Variants in ACOT1 observed in about 807,000 individuals in gnomAD.
ACOT1 encodes acyl-coenzyme A thioesterase 1.
A neutral mutation model predicts 15.7 loss-of-function variants in ACOT1; 8 were observed. The ratio of observed to expected loss-of-function variants is 0.51; its 90% CI spans 0.30 to 0.92. The LOEUF (loss-of-function observed/expected upper bound fraction) is 0.92. Ranked by LOEUF, ACOT1 falls within the 40% of genes least tolerant of loss-of-function variation. ACOT1 has a pLI of 0.06. For synonymous variants in ACOT1, 67 were observed against 241.2 expected, an observed-to-expected ratio of 0.28 and a Z score of 6.69; for missense variants, 151 against 539.4, an observed-to-expected ratio of 0.28 and a Z score of 7.13.
At chr14:73,502,921 G>A in the ACOT1 span, 19 of 1,613,558 alleles carry the variant, frequency 1.2e-5, no homozygotes, top group South Asian at 3.3e-5. Flanking sequence ...CCTCTTTCCC[G>A]AGGCTCATTT....
intron 1 of ACOT1, 149 bp from the exon 2 acceptor site, chr14:73,541,344 G>C (rs540209126): frequency 2.8e-6 from 2 of 710,628 alleles, no homozygotes; most frequent in African/African-American, 3.9e-5. Context: ...GTTTCTGGAC[G>C]AACACAGGTT....
intron 1 of ACOT1, 124 bp from the exon 2 acceptor site, chr14:73,541,369 G>GTAGA: frequency 1.2e-6 from 1 of 820,078 alleles, no homozygotes; most frequent in Non-Finnish European, 1.8e-6. Flanking sequence ...TTTCTCGTGG[G>GTAGA]TAGATACCTA....
the ACOT1 span, chr14:73,522,643 C>T: frequency 3.1e-6 from 5 of 1,614,204 alleles, no homozygotes; most frequent in Admixed American, 6.7e-5. Context: ...TATCTGGATG[C>T]ATGCAGGGAT....
chr14:73,508,346 A>G, the ACOT1 span: 1 of 1,565,076 alleles, frequency 6.4e-7, no homozygotes, highest in Non-Finnish European at 8.8e-7. Flanking sequence ...TTTTCCCCCT[A>G]GAGAACAGCC....
chr14:73,537,927 G>A, intron 1 of ACOT1, 49 bp downstream of exon 1: 1 of 1,136,704 alleles, frequency 8.8e-7, no homozygotes, highest in Non-Finnish European at 1.1e-6. Context: ...CTGTTCCTGC[G>A]CTTTCCACTG....
At chr14:73,507,054 C>T in the ACOT1 span, among the ~76,000 whole-genome samples, 2 of 152,046 alleles carry the variant, frequency 1.3e-5, no homozygotes, top group Non-Finnish European at 2.9e-5. Flanking sequence ...CTGCCTGCCT[C>T]GGCCTCCCAA....
At chr14:73,505,688 C>T in the ACOT1 span, among the ~76,000 whole-genome samples, 1 of 151,794 alleles carries the variant, frequency 6.6e-6, no homozygotes, top group African/African-American at 2.4e-5. Flanking sequence ...CCACCGTGCC[C>T]GGCCGGGACT....
chr14:73,505,902 T>A, the ACOT1 span, among the ~76,000 whole-genome samples: 1 of 148,780 alleles, frequency 6.7e-6, no homozygotes, highest in Non-Finnish European at 1.5e-5. Flanking sequence ...TTTTTTTTTT[T>A]TTTTTTGAGA....
the ACOT1 span, chr14:73,491,608 C>G: frequency 6.5e-7 from 1 of 1,547,104 alleles, no homozygotes; most frequent in Non-Finnish European, 8.7e-7. Context: ...GCATCCCCAG[C>G]AGCCGGCGGC....
At chr14:73,504,076 CTT>C in the ACOT1 span, among the ~76,000 whole-genome samples, 85 of 127,714 alleles carry the variant, frequency 6.7e-4, no homozygotes, top group Admixed American at 7.4e-4. Context: ...TTTTGCATTT[CTT>C]TTTTTTTTTT....
the ACOT1 span, among the ~76,000 whole-genome samples, chr14:73,509,866 A>ATTTATTTATT: frequency 2.5e-4 from 17 of 67,512 alleles, 2 homozygotes; most frequent in African/African-American, 1.0e-3. Flanking sequence ...ATATATATAT[A>ATTTATTTATT]TATTTATTTA....
At chr14:73,505,107 G>A in the ACOT1 span, among the ~76,000 whole-genome samples, 1 of 151,834 alleles carries the variant, frequency 6.6e-6, no homozygotes, top group Non-Finnish European at 1.5e-5. Context: ...ATTAGAGATG[G>A]GGTTTTGCCA....
the ACOT1 span, chr14:73,522,538 A>G: frequency 5.0e-6 from 8 of 1,614,166 alleles, no homozygotes; most frequent in Non-Finnish European, 6.8e-6. Context: ...TTTCCAGCAC[A>G]GTGGCCTCCC....
At chr14:73,517,387 G>T in the ACOT1 span, 5 of 152,210 alleles carry the variant, frequency 3.3e-5, no homozygotes, top group East Asian at 9.7e-4. Context: ...TATTGAAAAA[G>T]AATCCTCTGG....
chr14:73,513,304 C>CA, the ACOT1 span, among the ~76,000 whole-genome samples: 3 of 151,894 alleles, frequency 2.0e-5, no homozygotes, highest in African/African-American at 7.3e-5. Flanking sequence ...ACTAAAAACA[C>CA]AAAAATTAGC....
chr14:73,509,113 C>T, the ACOT1 span, among the ~76,000 whole-genome samples: 1 of 152,070 alleles, frequency 6.6e-6, no homozygotes, highest in African/African-American at 2.4e-5. Flanking sequence ...GTGATCCTGT[C>T]GCCTTGGCCT....
the ACOT1 span, among the ~76,000 whole-genome samples, chr14:73,521,345 T>C: frequency 2.0e-5 from 3 of 152,116 alleles, no homozygotes; most frequent in Non-Finnish European, 4.4e-5. Context: ...TTCGTACTCT[T>C]AGAGGCGGCA....
the ACOT1 span, among the ~76,000 whole-genome samples, chr14:73,524,467 T>C: frequency 6.6e-6 from 1 of 150,668 alleles, no homozygotes; most frequent in Non-Finnish European, 1.5e-5. Context: ...TTAATGTTAG[T>C]TTAGTTTTGT....
Position 73,537,654 on chromosome 14 carries a change from T to C in ACOT1, c.233T>C (p.Met78Thr), listed in dbSNP as rs1362095693. Residue 78 changes from methionine (M) to threonine (T), a missense_variant, in exon 1 of 3, where the codon ATG becomes ACG. Met to Thr is a moderately conservative substitution (Grantham distance 81). Transcript: ENST00000311148. Reference sequence around the variant, plus strand: ...GGCAGCTTCGCGGGGCTTGAGCCCATGGGGCTGCTCTGGGCCTTGGAGCCC... The same window carrying C: ...GGCAGCTTCGCGGGGCTTGAGCCCACGGGGCTGCTCTGGGCCTTGGAGCCC... ...LGGSFAGLEPMGLLWALEPEK... is the reference protein window; with the variant it reads ...LGGSFAGLEPTGLLWALEPEK... 6.5e-6 allele frequency: 8 copies of C among 1,235,982 alleles called. 2 individuals are homozygous for C. The highest frequency in any genetic ancestry group is 1.6e-5 in the African/African-American group (1 of 64,006). 76.6% of individuals were successfully genotyped at this position (1,235,982 alleles called of 1,614,324 possible). A position where few individuals can be genotyped will look rare whatever the true frequency, so the allele number is the denominator to read the frequency against.
Sources: gnomAD v4.1 joint callset for allele counts (sites outside exome capture counted in the v4.1 genomes callset) on GRCh38, gnomAD v4.1.1 for gene constraint, MANE v1.5 for transcripts, NCBI Gene and HGNC (gene_info 2026-07-23, HGNC 2026-07-21) for gene names.